The following SNX27 variants were observed in gnomAD, a reference collection of about 807,000 sequenced individuals.
SNX27 encodes the protein sorting nexin 27.
A neutral mutation model predicts 71.6 loss-of-function variants in SNX27; 22 were observed. The observed-to-expected ratio is 0.31, with a 90% CI of 0.22 to 0.44. SNX27 has a LOEUF of 0.44. Among genes scored for constraint, SNX27 ranks in the 20% least tolerant of loss-of-function variants. The pLI is 1.00. For synonymous variants in SNX27, 269 were observed against 277.2 expected (o/e 0.97, Z 0.29); for missense variants, 531 against 698.6 (o/e 0.76, Z 2.70).
At chr1:151,656,718 C>G (rs1242527515) in intron 2 of SNX27, among the ~76,000 whole-genome samples, 1 of 152,104 alleles carries the variant, frequency 6.6e-6, no homozygotes, top group Non-Finnish European at 1.5e-5. Context: ...AACCCAAGTG[C>G]TCATGAGTGG....
chr1:151,652,211 A>AGGGAGGCCGTG (rs1558054213), intron 2 of SNX27, among the ~76,000 whole-genome samples: 1 of 57,402 alleles, frequency 1.7e-5, no homozygotes, highest in Non-Finnish European at 3.0e-5. Context: ...CCGTGGGGAG[A>AGGGAGGCCGTG]GGGAGAGGGA....
At chr1:151,662,044 C>A in intron 4 of SNX27, 122 bp from the exon 5 acceptor site, 1 of 476,246 alleles carries the variant, frequency 2.1e-6, no homozygotes, top group Non-Finnish European at 3.8e-6. Context: ...TGATTTTTTT[C>A]CCGTTTTCAT....
chr1:151,636,211 G>A (rs1316241516), intron 1 of SNX27, among the ~76,000 whole-genome samples: 1 of 152,188 alleles, frequency 6.6e-6, no homozygotes, highest in Non-Finnish European at 1.5e-5. Flanking sequence ...CGAAAAGTAA[G>A]ATTTGAGCAT....
chr1:151,681,262 G>A (rs561254369), intron 7 of SNX27, among the ~76,000 whole-genome samples: 5 of 56,980 alleles, frequency 8.8e-5, no homozygotes, highest in African/African-American at 3.1e-4. Context: ...TTTTTTTTGC[G>A]ATGGAGTCTT....
Position 151,692,406 on chromosome 1 carries a change from CTTTTT to C in SNX27, c.1240-7_1240-3del, listed in dbSNP as rs61159507. 1,091 of 852,314 alleles carry C rather than the reference CTTTTT, an allele frequency of 1.3e-3. No individual in the cohort carries two copies. The highest frequency in any genetic ancestry group is 0.01 in the East Asian group (201 of 20,022). 52.8% of individuals were successfully genotyped at this position (852,314 alleles called of 1,614,324 possible). A position where few individuals can be genotyped will look rare whatever the true frequency, so the allele number is the denominator to read the frequency against. ...TAACCCTGTTTCCTGTTTCTCCTTC[CTTTTT>C]TTTTTTTTTTTTTTTTTTTTTAGTA... On this transcript the variant is annotated intron_variant, in intron 8 of 11. Transcript: ENST00000458013.
At chr1:151,691,595 C>T (rs531478503) in intron 8 of SNX27, among the ~76,000 whole-genome samples, 15 of 151,364 alleles carry the variant, frequency 9.9e-5, no homozygotes, top group Admixed American at 9.2e-4. Flanking sequence ...CTCAGCCTTC[C>T]GAGTAGCTGG....
chr1:151,694,155 C>T, intron 11 of SNX27: 6 of 1,310,522 alleles, frequency 4.6e-6, no homozygotes, highest in Non-Finnish European at 5.8e-6. Flanking sequence ...TCAGTTTTCT[C>T]TTCTGTGAAA....
intron 2 of SNX27, among the ~76,000 whole-genome samples, chr1:151,651,965 C>T (rs572662153): frequency 3.9e-5 from 6 of 152,102 alleles, no homozygotes; most frequent in African/African-American, 9.7e-5. Context: ...CTGGGGAGGC[C>T]GAGGCTGGCG....
rs991231600 is a variant in SNX27, at chr1:151,696,058, T to G, written c.*1641T>G. ...GGAATATGGTTGATTAGATTGGATC[T>G]CCCAAGTTTTAATTGAAAGGAGACT... On this transcript the variant is annotated 3_prime_UTR_variant, in exon 12 of 12. Transcript: ENST00000458013. The G allele has an allele frequency of 1.3e-5, 2 of 152,238 alleles. No homozygotes were observed. The highest frequency in any genetic ancestry group is 4.8e-5 in the African/African-American group (2 of 41,454). 9.4% of individuals were successfully genotyped at this position (152,238 alleles called of 1,614,324 possible). A position where few individuals can be genotyped will look rare whatever the true frequency, so the allele number is the denominator to read the frequency against.
rs529655994 is a variant in SNX27 at position 151,698,891 on chromosome 1, T to G, written c.*4474T>G. 4 of 152,682 alleles carry G rather than the reference T, an allele frequency of 2.6e-5. No homozygotes were observed. The highest frequency in any genetic ancestry group is 5.9e-5 in the Non-Finnish European group (4 of 68,046). The allele number at this position is 152,682 out of a possible 1,614,324, so 9.5% of individuals were successfully genotyped here. ...AGAGAAACTCTAATTGTATTTTCAC[T>G]GCAGTATCTTGTATTTTTTATTTGT... is the stretch of plus-strand genomic sequence containing the variant. On this transcript the variant is annotated 3_prime_UTR_variant, in exon 12 of 12. Transcript: ENST00000458013.
chr1:151,613,294 A>G (rs1475591624), intron 1 of SNX27: 1 of 152,184 alleles, frequency 6.6e-6, no homozygotes, highest in African/African-American at 2.4e-5. Flanking sequence ...TTTGGAATCT[A>G]GCGTCTCCAT....
At chr1:151,659,274 GTC>G (rs1328596423) in intron 3 of SNX27, among the ~76,000 whole-genome samples, 1 of 151,914 alleles carries the variant, frequency 6.6e-6, no homozygotes, top group Non-Finnish European at 1.5e-5. Flanking sequence ...TTGAGACAGA[GTC>G]TCTCTCTGTT....
At chr1:151,654,468 C>T (rs1192212828) in intron 2 of SNX27, among the ~76,000 whole-genome samples, 1 of 151,860 alleles carries the variant, frequency 6.6e-6, no homozygotes, top group Non-Finnish European at 1.5e-5. Flanking sequence ...GGAACCTGGG[C>T]CTAATATGGT....
intron 1 of SNX27, among the ~76,000 whole-genome samples, chr1:151,631,484 G>T (rs951308288): frequency 3.3e-5 from 5 of 152,076 alleles, no homozygotes; most frequent in African/African-American, 1.2e-4. Context: ...GAAACAATTT[G>T]TAATCTTCGT....
chr1:151,612,840 C>T lies in SNX27; in HGVS notation c.311+328C>T, dbSNP rs1667248574. 1.3e-5 allele frequency among the ~76,000 whole-genome samples: 2 copies of T among 152,182 alleles called. No homozygotes were observed. Among genetic ancestry groups the T allele is most frequent in the Non-Finnish European group, 2.9e-5 (2 of 68,030 alleles). ...TTGGCGTGCTGCATTCTGCTCCTCA[C>T]TCCCCCTCGTCTTGCTCAGAAGGAA... On this transcript the variant is annotated intron_variant, in intron 1 of 11. Transcript: ENST00000458013. This position sits in a 1 kb window ranked among gnomAD's most constrained non-coding sequence, Gnocchi z 5.2.
intron 8 of SNX27, among the ~76,000 whole-genome samples, chr1:151,691,169 G>A (rs867286197): frequency 1.1e-4 from 17 of 152,214 alleles, no homozygotes; most frequent in South Asian, 4.1e-4. Context: ...TATAGTCCCA[G>A]CTACTCAGGA....
rs1379212032 is a variant in SNX27, at chr1:151,695,581, G to A, written c.*1164G>A. The A allele has an allele frequency of 6.6e-6, 1 of 151,764 alleles. No individual in the cohort carries two copies. The highest frequency in any genetic ancestry group is 2.4e-5 in the African/African-American group (1 of 41,250). 9.4% of individuals were successfully genotyped at this position (151,764 alleles called of 1,614,324 possible). ...ACTACAGGTGTGCACCACCACACCT[G>A]GCTAATTCTTCTTAAAATTTTTTTG... is the stretch of plus-strand genomic sequence containing the variant. On this transcript the variant is annotated 3_prime_UTR_variant, in exon 12 of 12. Transcript: ENST00000458013.
At chr1:151,646,693 T>A (rs1485154265) in intron 2 of SNX27, among the ~76,000 whole-genome samples, 1 of 148,842 alleles carries the variant, frequency 6.7e-6, no homozygotes, top group East Asian at 1.9e-4. Context: ...AAATATATAA[T>A]ATATATTTGT....
chr1:151,692,859 C>G, intron 9 of SNX27, 52 bp from the exon 10 acceptor site: 1 of 1,611,752 alleles, frequency 6.2e-7, no homozygotes, highest in Non-Finnish European at 8.5e-7. Flanking sequence ...CCTCAGTTCC[C>G]CAGCACTCTG....
Sources: gnomAD v4.1 joint callset for allele counts (sites outside exome capture counted in the v4.1 genomes callset) on GRCh38, gnomAD v4.1.1 for gene constraint, Gnocchi (gnomAD v3.1) non-coding constraint, MANE v1.5 for transcripts, NCBI Gene and HGNC (gene_info 2026-07-23, HGNC 2026-07-21) for gene names.